SH2D4A: variants seen among roughly 807,000 people sequenced by gnomAD.
SH2D4A encodes the protein SH2 domain containing 4A.
A neutral mutation model predicts 64.7 loss-of-function variants in SH2D4A; 70 were observed. That is an observed-to-expected ratio of 1.08 (90% confidence interval 0.89 to 1.32). The LOEUF is 1.32. SH2D4A is among the 40% of genes most tolerant of loss of function. The probability of loss-of-function intolerance (pLI) is 0.00; values close to 1 mark genes in which losing one functional copy is unlikely to be tolerated. For missense variants in SH2D4A, 706 were observed against 540.1 expected, an observed-to-expected ratio of 1.31 and a Z score of -3.04; for synonymous variants, 268 against 200.7, an observed-to-expected ratio of 1.34 and a Z score of -2.83.
Position 19,319,344 on chromosome 8 carries a change from G to T in SH2D4A, c.-204G>T. ...GAATGTGGGCTCTTTCTCTCTGCAGGTTCAGTGAACAGCATTTTGGACAGG... is the reference window on the plus strand; with the variant it reads ...GAATGTGGGCTCTTTCTCTCTGCAGTTTCAGTGAACAGCATTTTGGACAGG... On this transcript the variant is annotated splice_region_variant and 5_prime_UTR_variant, in exon 2 of 10. Coordinates refer to ENST00000265807, the MANE Select transcript of SH2D4A (RefSeq NM_022071.4). 2 of 1,223,792 alleles carry T rather than the reference G, an allele frequency of 1.6e-6. No individual in the cohort carries two copies. The highest frequency in any genetic ancestry group is 2.0e-6 in the Non-Finnish European group (2 of 981,980). The allele number at this position is 1,223,792 out of a possible 1,614,324, so 75.8% of individuals were successfully genotyped here.
At chr8:19,331,336 C>T (rs1445982741) in intron 2 of SH2D4A, among the ~76,000 whole-genome samples, 1 of 152,208 alleles carries the variant, frequency 6.6e-6, no homozygotes, top group Non-Finnish European at 1.5e-5. Context: ...GCCCAGCACA[C>T]ACACCAGCCA....
intron 1 of SH2D4A, among the ~76,000 whole-genome samples, chr8:19,315,283 G>A (rs1172000756): frequency 2.0e-5 from 3 of 152,082 alleles, no homozygotes; most frequent in Non-Finnish European, 4.4e-5. Context: ...CTATAGGTGC[G>A]GGCCACCACG....
intron 8 of SH2D4A, among the ~76,000 whole-genome samples, chr8:19,377,332 A>C (rs1035536133): frequency 2.0e-5 from 3 of 152,214 alleles, no homozygotes; most frequent in African/African-American, 7.2e-5. Flanking sequence ...CAGTCAGCCT[A>C]GATGGAGCCA....
chr8:19,375,201 A>C (rs539565655), intron 8 of SH2D4A: 1 of 152,154 alleles, frequency 6.6e-6, no homozygotes, highest in South Asian at 2.1e-4. Context: ...TCATAAGCAA[A>C]ATAAAACTGT....
rs1585217393 is a variant in SH2D4A, at chr8:19,391,177, C to T, written c.1049-2141C>T. On this transcript the variant is annotated intron_variant, in intron 8 of 9. Transcript: ENST00000265807. ...TTTAGAGATTTGCCATGTGCAGTCC[C>T]CGCATGGGCTGGTACCTGGCGCCTT... 1.3e-5 allele frequency among the ~76,000 whole-genome samples: 2 copies of T among 152,158 alleles called. 1 individual carries two copies. Among genetic ancestry groups the T allele is most frequent in the South Asian group, 4.1e-4 (2 of 4,826 alleles).
chr8:19,371,130 C>T (rs768439274), intron 7 of SH2D4A, among the ~76,000 whole-genome samples: 3 of 151,970 alleles, frequency 2.0e-5, no homozygotes, highest in African/African-American at 4.8e-5. Context: ...CGTTTTTAGT[C>T]TTCATATCTT....
chr8:19,360,980 A>C (rs2052874490), intron 5 of SH2D4A: 1 of 324,586 alleles, frequency 3.1e-6, no homozygotes. Context: ...AGAGAGGTTC[A>C]TTTGTTGCTC....
intron 5 of SH2D4A, among the ~76,000 whole-genome samples, chr8:19,359,180 T>C (rs921146553): frequency 6.6e-6 from 1 of 152,130 alleles, no homozygotes; most frequent in Non-Finnish European, 1.5e-5. Flanking sequence ...GGGCCGTATA[T>C]AGATGGGTAA....
intron 8 of SH2D4A, among the ~76,000 whole-genome samples, chr8:19,390,749 C>T (rs1184915337): frequency 6.6e-6 from 1 of 152,166 alleles, no homozygotes; most frequent in African/African-American, 2.4e-5. Context: ...GCTTTGCCAT[C>T]AACATGATTG....
At chr8:19,315,178 C>T (rs1469638687) in intron 1 of SH2D4A, among the ~76,000 whole-genome samples, 4 of 152,168 alleles carry the variant, frequency 2.6e-5, no homozygotes, top group African/African-American at 9.7e-5. Context: ...TTCTGTCACC[C>T]AGGCTGTGGT....
rs888595499 is a variant in SH2D4A at position 19,340,471 on chromosome 8, C to T, written c.513+5614C>T. On this transcript the variant is annotated intron_variant, in intron 4 of 9. Coordinates refer to ENST00000265807, the MANE Select transcript of SH2D4A (RefSeq NM_022071.4). ...ATGAGATGTCATCAGGATGGACAGG[C>T]GTGTCTGGAGAAAGAGCTGATGCTA... Among the ~76,000 whole-genome samples, 4 of 151,844 alleles carry T rather than the reference C, an allele frequency of 2.6e-5. No homozygotes were observed. The East Asian group carries it at 5.8e-4, about 22-fold the overall frequency.
intron 2 of SH2D4A, among the ~76,000 whole-genome samples, chr8:19,330,831 T>C (rs2052355885): frequency 6.6e-6 from 1 of 152,150 alleles, no homozygotes; most frequent in African/African-American, 2.4e-5. Flanking sequence ...AAAAAAAATA[T>C]TATTAGTTGG....
chr8:19,317,187 A>T (rs1163517056), intron 1 of SH2D4A, among the ~76,000 whole-genome samples: 3 of 152,050 alleles, frequency 2.0e-5, no homozygotes, highest in Non-Finnish European at 4.4e-5. Flanking sequence ...TCAAGGAGTC[A>T]TTCTGTCTCC....
intron 6 of SH2D4A, among the ~76,000 whole-genome samples, chr8:19,362,377 C>T (rs1461051131): frequency 6.6e-6 from 1 of 152,144 alleles, no homozygotes; most frequent in Non-Finnish European, 1.5e-5. Context: ...AGTCTCATTG[C>T]TATAACAAAA....
chr8:19,382,733 TGATGAGAAATCTG>T (rs975126079), intron 8 of SH2D4A, among the ~76,000 whole-genome samples: 10 of 151,406 alleles, frequency 6.6e-5, no homozygotes, highest in Non-Finnish European at 1.3e-4. Flanking sequence ...CCAAAATTAC[TGATGAGAAATCTG>T]GGGATAATCT....
At chr8:19,346,259 G>A (rs2052610981) in intron 4 of SH2D4A, among the ~76,000 whole-genome samples, 1 of 152,154 alleles carries the variant, frequency 6.6e-6, no homozygotes, top group South Asian at 2.1e-4. Context: ...GATCTGTTAG[G>A]AACCAGGCCA....
In SH2D4A at chr8:19,319,560, A is replaced by C. The variant is rs746236040; in HGVS notation, c.13A>C (p.Ile5Leu). 6.4e-7 allele frequency: 1 copy of C among 1,551,100 alleles called. No homozygotes were observed. Among genetic ancestry groups the C allele is most frequent in the African/African-American group, 1.4e-5 (1 of 71,662 alleles). MLKQ[I>L]LSEMYIDPDL... ...CAGAAGTGCAAAGATGCTGAAACAG[A>C]TACTGTCGGAGATGTACATAGATCC... Residue 5 changes from isoleucine (I) to leucine (L), a missense_variant, in exon 2 of 10, where the codon ATA becomes CTA. Physicochemically the swap from Ile to Leu is conservative, Grantham distance 5 (BLOSUM62 2). Transcript: ENST00000265807.
intron 4 of SH2D4A, among the ~76,000 whole-genome samples, chr8:19,337,787 T>A (rs1212835104): frequency 6.6e-6 from 1 of 152,106 alleles, no homozygotes; most frequent in Non-Finnish European, 1.5e-5. Context: ...AAGAACACCA[T>A]GGGAAAGACC....
intron 8 of SH2D4A, among the ~76,000 whole-genome samples, chr8:19,392,899 G>T (rs989762606): frequency 6.6e-6 from 1 of 151,830 alleles, no homozygotes; most frequent in Admixed American, 6.6e-5. Context: ...TCGCCAAAAC[G>T]CCCGGCTAAT....
Sources: allele counts gnomAD v4.1 joint callset (sites outside exome capture counted in the v4.1 genomes callset), GRCh38; gene constraint gnomAD v4.1.1; transcripts MANE v1.5; gene names NCBI Gene and HGNC (gene_info 2026-07-23, HGNC 2026-07-21).